The following DNAH9 variants were observed in gnomAD, a reference collection of about 807,000 sequenced individuals.
DNAH9 encodes the protein dynein axonemal heavy chain 9.
A neutral mutation model predicts 471.6 loss-of-function variants in DNAH9; 345 were observed. That is an observed-to-expected ratio of 0.73 (90% CI 0.67 to 0.80). DNAH9 has a LOEUF of 0.80. Ranked by LOEUF, DNAH9 falls within the 30% of genes least tolerant of loss-of-function variation. DNAH9 has a pLI of 0.00. For synonymous variants in DNAH9, 2,093 were observed against 2,123.6 expected (o/e 0.99, Z 0.40); for missense variants, 5,407 against 5,609.2 (o/e 0.96, Z 1.15).
intron 15 of DNAH9, among the ~76,000 whole-genome samples, chr17:11,665,416 G>C (rs1450077460): frequency 6.6e-6 from 1 of 152,220 alleles, no homozygotes; most frequent in Non-Finnish European, 1.5e-5. Flanking sequence ...GTGTCCGCCA[G>C]GTTAAATGGA....
intron 61 of DNAH9, among the ~76,000 whole-genome samples, chr17:11,907,209 G>A (rs1233754195): frequency 1.3e-5 from 2 of 152,022 alleles, no homozygotes; most frequent in East Asian, 1.9e-4. Context: ...GGTGGCTCAC[G>A]CCTGTAATCC....
chr17:11,679,698 A>C (rs1328287502), intron 17 of DNAH9, 59 bp from the exon 18 acceptor site: 2 of 1,234,168 alleles, frequency 1.6e-6, no homozygotes, highest in African/African-American at 3.0e-5. Context: ...AAATCAATAC[A>C]TCTGCCTTTC....
chr17:11,598,603 C>T lies in DNAH9; in HGVS notation c.105C>T (p.Ser35=). The change falls in exon 1 of 69, where the codon AGC becomes AGT. Residue 35 remains serine (S), a synonymous_variant. Transcript: ENST00000262442. ...TCCTGGGGACCTACGTGGCCATGAG[C>T]CTGCGGCCGGCTGCGGGCGCCTGGG... is the stretch of plus-strand genomic sequence containing the variant. The part of the protein sequence containing the change: ...LRLLGTYVAM[S]LRPAAGAWER... The T allele has an allele frequency of 7.4e-7, 1 of 1,343,220 alleles. No individual in the cohort carries two copies. The highest frequency in any genetic ancestry group is 9.5e-7 in the Non-Finnish European group (1 of 1,050,720). The allele number at this position is 1,343,220 out of a possible 1,614,324, so 83.2% of individuals were successfully genotyped here.
chr17:11,700,546 G>C (rs951795412), intron 23 of DNAH9, among the ~76,000 whole-genome samples: 1 of 152,038 alleles, frequency 6.6e-6, no homozygotes, highest in Non-Finnish European at 1.5e-5. Context: ...GCAAAGCATT[G>C]CCCCTGGGGA....
intron 26 of DNAH9, among the ~76,000 whole-genome samples, chr17:11,708,437 C>G (rs868845247): frequency 6.6e-6 from 1 of 152,142 alleles, no homozygotes; most frequent in Middle Eastern, 3.2e-3. Context: ...CCTACCTCAG[C>G]TTAAGACAAA....
At chr17:11,604,473 C>G (rs929342546) in intron 1 of DNAH9, among the ~76,000 whole-genome samples, 2 of 152,122 alleles carry the variant, frequency 1.3e-5, no homozygotes, top group Non-Finnish European at 2.9e-5. Context: ...TTTGTTATCT[C>G]CAGCCCTCTC....
At chr17:11,726,192 T>C (rs1354074645) in intron 27 of DNAH9, among the ~76,000 whole-genome samples, 1 of 152,176 alleles carries the variant, frequency 6.6e-6, no homozygotes, top group Non-Finnish European at 1.5e-5. Context: ...ATTTCTTGTG[T>C]GTGTCCTAAA....
rs562327800 is a variant in DNAH9 at position 11,902,275 on chromosome 17, G to T, written c.11407-444G>T. ...ACCCATGGGCATTTTAAGAGTTGGC[G>T]TTAACACAGAGTACATGAATAATTC... On this transcript the variant is annotated intron_variant, in intron 59 of 68. Transcript: ENST00000262442. 9.2e-5 allele frequency among the ~76,000 whole-genome samples: 14 copies of T among 152,304 alleles called. 1 individual carries two copies. Among genetic ancestry groups the T allele is most frequent in the African/African-American group, 3.1e-4 (13 of 41,564 alleles).
At chr17:11,948,777 T>C (rs1975245256) in intron 67 of DNAH9, among the ~76,000 whole-genome samples, 1 of 152,124 alleles carries the variant, frequency 6.6e-6, no homozygotes, top group Admixed American at 6.5e-5. Context: ...CAGCTCCCAG[T>C]GTCTTAAACA....
chr17:11,731,987 A>G (rs991330751), intron 28 of DNAH9, among the ~76,000 whole-genome samples: 9 of 152,154 alleles, frequency 5.9e-5, no homozygotes, highest in Admixed American at 1.3e-4. Context: ...GACTTCCACA[A>G]TGGTTGAACT....
chr17:11,961,246 C>T (rs770973420), intron 67 of DNAH9, among the ~76,000 whole-genome samples: 1 of 152,108 alleles, frequency 6.6e-6, no homozygotes, highest in East Asian at 1.9e-4. Flanking sequence ...ACCTGGGAGG[C>T]GGAGGTTGCA....
At chr17:11,919,501 A>AG (rs1974065239) in intron 61 of DNAH9, among the ~76,000 whole-genome samples, 1 of 148,484 alleles carries the variant, frequency 6.7e-6, no homozygotes, top group Non-Finnish European at 1.5e-5. Context: ...TCTCAAAAAA[A>AG]AAAGAAAAAA....
intron 67 of DNAH9, among the ~76,000 whole-genome samples, chr17:11,946,071 G>A (rs373818889): frequency 3.3e-5 from 5 of 151,466 alleles, no homozygotes; most frequent in South Asian, 2.1e-4. Context: ...GTGGTGGCAC[G>A]CACCTGTAAT....
In DNAH9 at chr17:11,739,098, C is replaced by T. The variant is rs954963694; in HGVS notation, c.5972+61C>T. 2.0e-6 allele frequency: 3 copies of T among 1,464,336 alleles called. No individual in the cohort carries two copies. The African/African-American group carries it at 4.3e-5, about 21-fold the overall frequency. 90.7% of individuals were successfully genotyped at this position (1,464,336 alleles called of 1,614,324 possible). ...AAGAGAAGTTTCTTTCATTTTTCCA[C>T]TTAAAATGTGTGACATATATTTTAA... On this transcript the variant is annotated intron_variant, in intron 29 of 68. Transcript: ENST00000262442.
At position 11,881,230 on chromosome 17, in the gene DNAH9, A is replaced by G; in HGVS notation, c.10623A>G (p.Lys3541=). Residue 3541 remains lysine (K), a synonymous_variant, in exon 55 of 69, where the codon AAA becomes AAG. Coordinates refer to ENST00000262442, the MANE Select transcript of DNAH9 (RefSeq NM_001372.4). The stretch of plus-strand genomic sequence containing the variant: ...CCAGATTCATTAAAATTGGAGACAA[A>G]GAATGTGAATACAATCCCAAGTTCC... ...KKGRFIKIGD[K]ECEYNPKFRL... 6.2e-7 allele frequency: 1 copy of G among 1,614,198 alleles called. No homozygotes were observed. Among genetic ancestry groups the G allele is most frequent in the East Asian group, 2.2e-5 (1 of 44,872 alleles).
intron 68 of DNAH9, among the ~76,000 whole-genome samples, chr17:11,964,463 A>C (rs1006196400): frequency 2.0e-5 from 3 of 152,166 alleles, no homozygotes; most frequent in Non-Finnish European, 4.4e-5. Context: ...CCCCAAAATC[A>C]ATACTTCTTC....
intron 49 of DNAH9, 83 bp downstream of exon 49, chr17:11,834,981 A>T: frequency 6.6e-7 from 1 of 1,522,724 alleles, no homozygotes; most frequent in Non-Finnish European, 8.8e-7. Flanking sequence ...AAGAGATGCA[A>T]GGACAATGTT....
intron 19 of DNAH9, among the ~76,000 whole-genome samples, chr17:11,685,118 A>T (rs1391295873): frequency 6.6e-6 from 1 of 152,164 alleles, no homozygotes; most frequent in South Asian, 2.1e-4. Context: ...GACAATTTCA[A>T]AAATGAGCAA....
chr17:11,601,223 G>A (rs1448091679), intron 1 of DNAH9, among the ~76,000 whole-genome samples: 3 of 152,036 alleles, frequency 2.0e-5, no homozygotes, highest in Admixed American at 2.0e-4. Flanking sequence ...GGATGTTTCT[G>A]TCTCTTGGTT....
Sources: gnomAD v4.1 joint callset for allele counts (sites outside exome capture counted in the v4.1 genomes callset) on GRCh38, gnomAD v4.1.1 for gene constraint, MANE v1.5 for transcripts, NCBI Gene and HGNC (gene_info 2026-07-23, HGNC 2026-07-21) for gene names.